Variants in XYLT1 observed in about 807,000 individuals in gnomAD.
XYLT1 encodes the protein beta-D-xylosyltransferase 1.
In XYLT1, 36 loss-of-function variants were observed where a neutral mutation model predicts 91.3. The observed-to-expected ratio is 0.39, with a 90% confidence interval of 0.30 to 0.52. The LOEUF (loss-of-function observed/expected upper bound fraction) is 0.52. XYLT1 is among the 20% of genes least tolerant of loss of function. XYLT1 has a pLI of 0.68. For synonymous variants in XYLT1, 588 were observed against 532.0 expected (o/e 1.11, Z -1.45); for missense variants, 1,242 against 1,284.5 (o/e 0.97, Z 0.51).
At chr16:17,173,054 C>CAAACAAAA (rs1555485155) in intron 5 of XYLT1, among the ~76,000 whole-genome samples, 3 of 151,706 alleles carry the variant, frequency 2.0e-5, no homozygotes, top group African/African-American at 7.3e-5. Flanking sequence ...AACAAACAAA[C>CAAACAAAA]AAAAAAAACC....
chr16:17,336,104 G>A (rs1188917840), intron 2 of XYLT1, among the ~76,000 whole-genome samples: 1 of 152,200 alleles, frequency 6.6e-6, no homozygotes, highest in Non-Finnish European at 1.5e-5. Context: ...ATGGAGAAAC[G>A]TGCGGAGGTG....
In XYLT1 at chr16:17,373,421, G is replaced by A. The variant is rs1025407001; in HGVS notation, c.364-15371C>T. Among the ~76,000 whole-genome samples the A allele has an allele frequency of 2.6e-5, 4 of 152,198 alleles. No individual in the cohort carries two copies. In the East Asian group the frequency reaches 7.7e-4, roughly 29 times the overall value. On this transcript the variant is annotated intron_variant, in intron 1 of 11. Transcript: ENST00000261381. ...ATAATGCTGGCCCCATTTTATAGAT[G>A]AGGAAACTGAGGCTTCAGACAATTC...
At chr16:17,362,087 A>G (rs750981687) in intron 1 of XYLT1, among the ~76,000 whole-genome samples, 12 of 152,194 alleles carry the variant, frequency 7.9e-5, no homozygotes, top group East Asian at 1.9e-4. Flanking sequence ...AGCATCTTAC[A>G]CTGGAGAACA....
At chr16:17,141,452 C>T in intron 6 of XYLT1, 83 bp from the exon 7 acceptor site, 1 of 1,364,724 alleles carries the variant, frequency 7.3e-7, no homozygotes, top group Non-Finnish European at 1.0e-6. Flanking sequence ...ACAACACAAT[C>T]ATAGCGATGA....
intron 2 of XYLT1, among the ~76,000 whole-genome samples, chr16:17,301,702 T>C (rs1358113719): frequency 6.6e-6 from 1 of 152,142 alleles, no homozygotes; most frequent in Admixed American, 6.6e-5. Flanking sequence ...AGGCGTTTCA[T>C]CAGACTCCAC....
Position 17,404,378 on chromosome 16 carries a change from C to T in XYLT1, c.364-46328G>A, listed in dbSNP as rs1421583787. On this transcript the variant is annotated intron_variant, in intron 1 of 11. Transcript: ENST00000261381. ...AGGTCACACAGACATACTAGCAAGC[C>T]TGCAAAGTCAAAACCGTAACAGCCA... 2.6e-5 allele frequency among the ~76,000 whole-genome samples: 4 copies of T among 152,158 alleles called. No homozygotes were observed. In the East Asian group the frequency reaches 7.7e-4, roughly 29 times the overall value.
chr16:17,383,764 T>TTTTTTTTTTTTG (rs1400426473), intron 1 of XYLT1, among the ~76,000 whole-genome samples: 1 of 151,214 alleles, frequency 6.6e-6, no homozygotes, highest in Non-Finnish European at 1.5e-5. Flanking sequence ...TTTTTTTTTT[T>TTTTTTTTTTTTG]GAGACGGAGT....
At chr16:17,293,085 T>G (rs2034255097) in intron 2 of XYLT1, among the ~76,000 whole-genome samples, 2 of 152,168 alleles carry the variant, frequency 1.3e-5, no homozygotes, top group African/African-American at 4.8e-5. Flanking sequence ...GGTCCTACTT[T>G]AGCTAACCCG....
At chr16:17,378,814 C>T (rs958031460) in intron 1 of XYLT1, among the ~76,000 whole-genome samples, 1 of 152,212 alleles carries the variant, frequency 6.6e-6, no homozygotes, top group African/African-American at 2.4e-5. Context: ...GAATGACTCT[C>T]AAGTCCAAGC....
intron 3 of XYLT1, among the ~76,000 whole-genome samples, chr16:17,209,675 C>A (rs2032722837): frequency 6.6e-6 from 1 of 152,224 alleles, no homozygotes; most frequent in Admixed American, 6.5e-5. Context: ...TCTCATGCCT[C>A]AGTTTCCTCA....
At chr16:17,379,695 G>A (rs2035646900) in intron 1 of XYLT1, among the ~76,000 whole-genome samples, 1 of 149,966 alleles carries the variant, frequency 6.7e-6, no homozygotes, top group African/African-American at 2.5e-5. Flanking sequence ...GCCAGGGAAA[G>A]CTTTGAGTCT....
intron 1 of XYLT1, among the ~76,000 whole-genome samples, chr16:17,373,768 T>C (rs950328223): frequency 6.6e-6 from 1 of 152,206 alleles, no homozygotes. Flanking sequence ...CTGCACAGTG[T>C]TGGAGCTAGA....
chr16:17,208,917 G>A (rs2032708667), intron 3 of XYLT1, among the ~76,000 whole-genome samples: 1 of 152,126 alleles, frequency 6.6e-6, no homozygotes, highest in African/African-American at 2.4e-5. Flanking sequence ...AGTAGAGATG[G>A]GGTTTTGCCA....
At chr16:17,463,647 T>C (rs1266031636) in intron 1 of XYLT1, among the ~76,000 whole-genome samples, 1 of 152,236 alleles carries the variant, frequency 6.6e-6, no homozygotes. Context: ...ACAGCCACTA[T>C]GGAGAAGAGT....
At chr16:17,319,145 A>C (rs754576296) in intron 2 of XYLT1, among the ~76,000 whole-genome samples, 1 of 152,114 alleles carries the variant, frequency 6.6e-6, no homozygotes, top group Non-Finnish European at 1.5e-5. Context: ...TTTAAGCCTC[A>C]GTTTTCAAGT....
At chr16:17,385,269 TACACACACACAC>T (rs566134163) in intron 1 of XYLT1, among the ~76,000 whole-genome samples, 31 of 120,008 alleles carry the variant, frequency 2.6e-4, no homozygotes, top group African/African-American at 6.7e-4. Flanking sequence ...TAAACACACA[TACACACACACAC>T]ACACACACAC....
At chr16:17,344,783 C>T (rs989396567) in intron 2 of XYLT1, among the ~76,000 whole-genome samples, 30 of 151,948 alleles carry the variant, frequency 2.0e-4, no homozygotes, top group Admixed American at 6.5e-5. Flanking sequence ...TCACTGCAAC[C>T]TCTGCCTTCC....
At chr16:17,164,048 A>AAAAAAC (rs2031619636) in intron 5 of XYLT1, among the ~76,000 whole-genome samples, 3 of 144,246 alleles carry the variant, frequency 2.1e-5, no homozygotes, top group Admixed American at 1.4e-4. Flanking sequence ...CAAAAAAAAA[A>AAAAAAC]AAAAAAAAAA....
chr16:17,138,114 G>GAAT (rs1246264619), intron 8 of XYLT1: 4 of 456,088 alleles, frequency 8.8e-6, no homozygotes, highest in African/African-American at 7.6e-5. Context: ...CCCTAAAATG[G>GAAT]AATAATAATG....
Sources: allele counts gnomAD v4.1 joint callset (sites outside exome capture counted in the v4.1 genomes callset), GRCh38; gene constraint gnomAD v4.1.1; transcripts MANE v1.5; gene names NCBI Gene and HGNC (gene_info 2026-07-23, HGNC 2026-07-21).